The following FGD4 variants were observed in gnomAD, a reference collection of about 807,000 sequenced individuals.
FGD4 encodes FYVE, RhoGEF and PH domain containing 4, also known as FYVE, RhoGEF and PH domain-containing protein 4.
Under a neutral mutation model 102.0 loss-of-function variants are expected in FGD4, and 42 were observed. That is an observed-to-expected ratio of 0.41 (90% CI 0.32 to 0.53). The LOEUF (loss-of-function observed/expected upper bound fraction) is 0.53. Ranked by LOEUF, FGD4 falls within the 20% of genes least tolerant of loss-of-function variation. The probability of loss-of-function intolerance (pLI) is 0.21; values close to 1 mark genes in which losing one functional copy is unlikely to be tolerated. For synonymous variants in FGD4, 380 were observed against 375.7 expected (o/e 1.01, Z -0.13); for missense variants, 902 against 1,078.2 (o/e 0.84, Z 2.29).
chr12:32,460,650 C>G (rs964814788), intron 1 of FGD4, among the ~76,000 whole-genome samples: 15 of 152,064 alleles, frequency 9.9e-5, no homozygotes, highest in African/African-American at 3.4e-4. Flanking sequence ...CTTGAAACAA[C>G]TTAGAGAAAG....
chr12:32,494,597 A>G (rs2136592311), intron 1 of FGD4, among the ~76,000 whole-genome samples: 1 of 152,318 alleles, frequency 6.6e-6, no homozygotes, highest in Middle Eastern at 3.4e-3. Context: ...GTGAACATTT[A>G]TTGATCTTAC....
chr12:32,562,323 T>G (rs1944677531), intron 1 of FGD4, among the ~76,000 whole-genome samples: 1 of 152,244 alleles, frequency 6.6e-6, no homozygotes, highest in African/African-American at 2.4e-5. Flanking sequence ...AAACTCTTTG[T>G]CAAGGCCAGC....
At chr12:32,562,942 C>T (rs1266542357) in intron 1 of FGD4, among the ~76,000 whole-genome samples, 1 of 152,190 alleles carries the variant, frequency 6.6e-6, no homozygotes, top group Non-Finnish European at 1.5e-5. Context: ...ACCTCCCAGA[C>T]GGGGTGGTGG....
intron 1 of FGD4, among the ~76,000 whole-genome samples, chr12:32,547,757 A>G (rs1055139923): frequency 6.6e-6 from 1 of 152,200 alleles, no homozygotes; most frequent in African/African-American, 2.4e-5. Context: ...CCCAGGCTGG[A>G]GTGCAGTGGT....
intron 1 of FGD4, among the ~76,000 whole-genome samples, chr12:32,472,258 G>A (rs1430822696): frequency 6.6e-6 from 1 of 152,232 alleles, no homozygotes. Context: ...CAAGGCCGGA[G>A]CCCACTCCCT....
intron 1 of FGD4, among the ~76,000 whole-genome samples, chr12:32,415,536 C>CCT (rs1478405967): frequency 1.3e-5 from 2 of 151,406 alleles, no homozygotes; most frequent in Non-Finnish European, 1.5e-5. Flanking sequence ...CATTCTCCTG[C>CCT]CTCAGCCTCC....
chr12:32,496,694 G>T (rs995607617), intron 1 of FGD4, among the ~76,000 whole-genome samples: 1 of 152,018 alleles, frequency 6.6e-6, no homozygotes, highest in African/African-American at 2.4e-5. Flanking sequence ...TCCTTGTAGA[G>T]TCTTCACTTT....
At position 32,582,264 on chromosome 12, in the gene FGD4, G is replaced by A. The variant is rs113416502; in HGVS notation, c.808G>A (p.Asp270Asn). The change falls in exon 4 of 17, where the codon GAT becomes AAT. Residue 270 changes from aspartate (D) to asparagine (N), a missense_variant. By Grantham distance (23) the Asp-to-Asn change is conservative. Around this residue, in one of 2 missense-constraint regions of FGD4, gnomAD observed 443 missense variants for 459.2 expected, o/e 0.96. Transcript: ENST00000534526. ...LDTHIVNGER[D>N]ETATAPASPT... is the part of the protein sequence containing the mutation. ...TACGCACATAGTGAATGGAGAAAGA[G>A]ATGAAACTGCCACAGCTCCTGCATC... is the stretch of plus-strand genomic sequence containing the variant. 276 of 1,614,254 alleles carry A rather than the reference G, an allele frequency of 1.7e-4. 2 individuals carry two copies. The Middle Eastern group carries it at 2.1e-3, about 13-fold the overall frequency.
intron 2 of FGD4, among the ~76,000 whole-genome samples, chr12:32,569,964 T>C (rs1355410691): frequency 6.6e-6 from 1 of 152,130 alleles, no homozygotes; most frequent in Non-Finnish European, 1.5e-5. Context: ...CTGGTCAAGC[T>C]GGGCGTGGTG....
chr12:32,497,918 T>C (rs1371464183), intron 1 of FGD4, among the ~76,000 whole-genome samples: 1 of 152,242 alleles, frequency 6.6e-6, no homozygotes, highest in African/African-American at 2.4e-5. Flanking sequence ...TTTTTTCTTC[T>C]TCTCGACTCA....
At chr12:32,624,923 T>C (rs1466193608) in intron 12 of FGD4, 53 bp from the exon 13 acceptor site, 1 of 1,415,932 alleles carries the variant, frequency 7.1e-7, no homozygotes, top group Non-Finnish European at 1.0e-6. Flanking sequence ...AGTATATTCA[T>C]TGGTTTATAT....
At chr12:32,572,579 A>G (rs1945760331) in intron 2 of FGD4, among the ~76,000 whole-genome samples, 1 of 152,262 alleles carries the variant, frequency 6.6e-6, no homozygotes, top group Admixed American at 6.5e-5. Context: ...TAATGCCAAT[A>G]GAGACTGATA....
chr12:32,413,109 T>C (rs1941274277), intron 1 of FGD4, among the ~76,000 whole-genome samples: 1 of 151,380 alleles, frequency 6.6e-6, no homozygotes. Flanking sequence ...TATAGCCAAT[T>C]TGATTAAAAA....
chr12:32,524,781 CACCACTGCGATCCACCT>C (rs1940963263), intron 1 of FGD4, among the ~76,000 whole-genome samples: 1 of 151,168 alleles, frequency 6.6e-6, no homozygotes, highest in Non-Finnish European at 1.5e-5. Context: ...GCTGTGATCA[CACCACTGCGATCCACCT>C]GGGTGACAGA....
At chr12:32,502,389 G>A (rs1264171447) in intron 1 of FGD4, 3 of 964,178 alleles carry the variant, frequency 3.1e-6, no homozygotes, top group South Asian at 9.6e-5. Context: ...TTGTGTGGGG[G>A]CATTATCTCC....
In FGD4 at chr12:32,582,612, A is replaced by C. The variant is rs370856685; in HGVS notation, c.1011+145A>C. 63 of 1,034,838 alleles carry C rather than the reference A, an allele frequency of 6.1e-5. No homozygotes were observed. In the African/African-American group the frequency reaches 8.5e-4, roughly 14 times the overall value. 64.1% of individuals were successfully genotyped at this position (1,034,838 alleles called of 1,614,324 possible). ...AACGATTTTCAAGCTCTGGCTGCTG[A>C]TTAGCATTTCCCCTATGCTCTAAGC... On this transcript the variant is annotated intron_variant, in intron 4 of 16. Coordinates refer to ENST00000534526, the MANE Select transcript of FGD4 (RefSeq NM_001370298.3).
intron 1 of FGD4, among the ~76,000 whole-genome samples, chr12:32,475,664 C>T (rs535844611): frequency 5.6e-4 from 85 of 152,206 alleles, no homozygotes; most frequent in African/African-American, 1.9e-3. Context: ...ATAAAATCTC[C>T]GGGTGAGTCT....
intron 1 of FGD4, among the ~76,000 whole-genome samples, chr12:32,447,689 T>C (rs982798157): frequency 8.5e-5 from 13 of 152,250 alleles, no homozygotes; most frequent in South Asian, 2.1e-4. Context: ...AGATCACTTA[T>C]GCTGAATGAC....
chr12:32,401,283 G>C (rs185383952), intron 1 of FGD4, among the ~76,000 whole-genome samples: 13 of 152,096 alleles, frequency 8.5e-5, no homozygotes, highest in Non-Finnish European at 1.8e-4. Context: ...TTTGTGAGAC[G>C]GAGTCTCACT....
Sources: gnomAD v4.1 joint callset for allele counts (sites outside exome capture counted in the v4.1 genomes callset) on GRCh38, gnomAD v4.1.1 for gene constraint, gnomAD v4.1.1 regional missense constraint, MANE v1.5 for transcripts, NCBI Gene and HGNC (gene_info 2026-07-23, HGNC 2026-07-21) for gene names.